Variants in KCNT2 observed in about 807,000 individuals in gnomAD.
KCNT2 encodes the protein potassium channel subfamily T member 2.
In KCNT2, 67 loss-of-function variants were observed where a neutral mutation model predicts 153.8. The observed-to-expected ratio is 0.44, with a 90% CI of 0.36 to 0.53. The LOEUF (loss-of-function observed/expected upper bound fraction) is 0.53. Among genes scored for constraint, KCNT2 ranks in the 20% least tolerant of loss-of-function variants. The probability of loss-of-function intolerance (pLI) is 0.00; values close to 1 mark genes in which losing one functional copy is unlikely to be tolerated. For missense variants in KCNT2, 975 were observed against 1,354.8 expected (o/e 0.72, Z 4.40); for synonymous variants, 500 against 458.8 (o/e 1.09, Z -1.15).
chr1:196,355,224 A>T (rs1377035163), intron 14 of KCNT2, among the ~76,000 whole-genome samples: 1 of 151,708 alleles, frequency 6.6e-6, no homozygotes, highest in Non-Finnish European at 1.5e-5. Flanking sequence ...AATAAAAAAA[A>T]AAAGACACCT....
At chr1:196,604,679 A>C (rs1000538788) in intron 1 of KCNT2, among the ~76,000 whole-genome samples, 6 of 152,016 alleles carry the variant, frequency 3.9e-5, no homozygotes, top group Admixed American at 1.3e-4. Context: ...GATGGCGTAA[A>C]GATAATACAA....
At chr1:196,437,380 TTATA>T (rs1233254889) in intron 8 of KCNT2, among the ~76,000 whole-genome samples, 1 of 140,856 alleles carries the variant, frequency 7.1e-6, no homozygotes, top group Non-Finnish European at 1.5e-5. Flanking sequence ...ATATTTTTAT[TTATA>T]TATATACACA....
intron 1 of KCNT2, among the ~76,000 whole-genome samples, chr1:196,498,723 G>A (rs561573630): frequency 7.9e-5 from 12 of 152,144 alleles, no homozygotes; most frequent in African/African-American, 2.4e-4. Context: ...TGCTAATTCC[G>A]TGTTTGGTGA....
chr1:196,256,709 AATATATAT>A (rs144323772), intron 26 of KCNT2, among the ~76,000 whole-genome samples: 5 of 144,178 alleles, frequency 3.5e-5, no homozygotes, highest in Admixed American at 7.1e-5. Context: ...TTATCATGGA[AATATATAT>A]ATATATATAT....
chr1:196,499,523 T>C (rs995797597), intron 1 of KCNT2, among the ~76,000 whole-genome samples: 8 of 152,218 alleles, frequency 5.3e-5, no homozygotes, highest in South Asian at 2.1e-4. Flanking sequence ...AGCCAATTTT[T>C]TCTTTGGTAC....
intron 1 of KCNT2, among the ~76,000 whole-genome samples, chr1:196,507,672 G>A (rs563965555): frequency 6.6e-6 from 1 of 151,998 alleles, no homozygotes; most frequent in Non-Finnish European, 1.5e-5. Context: ...TTTCTGACAT[G>A]TTCTCATGTT....
intron 3 of KCNT2, among the ~76,000 whole-genome samples, chr1:196,487,839 C>T (rs1679557374): frequency 6.6e-6 from 1 of 151,924 alleles, no homozygotes; most frequent in Non-Finnish European, 1.5e-5. Context: ...GTGCTTCTTA[C>T]CTGTGTCTCT....
At chr1:196,491,552 T>G (rs1679862173) in intron 2 of KCNT2, among the ~76,000 whole-genome samples, 1 of 151,998 alleles carries the variant, frequency 6.6e-6, no homozygotes, top group African/African-American at 2.4e-5. Flanking sequence ...TAAAAAAAAT[T>G]GCATATTGGT....
intron 13 of KCNT2, among the ~76,000 whole-genome samples, chr1:196,385,257 ACATTCCAAT>A (rs1198662564): frequency 6.6e-6 from 1 of 152,138 alleles, no homozygotes; most frequent in African/African-American, 2.4e-5. Flanking sequence ...AATCAGTTTG[ACATTCCAAT>A]CATGTACTAT....
At chr1:196,549,616 T>G (rs1328343635) in intron 1 of KCNT2, among the ~76,000 whole-genome samples, 1 of 151,778 alleles carries the variant, frequency 6.6e-6, no homozygotes, top group African/African-American at 2.4e-5. Flanking sequence ...TCTGTTGGAG[T>G]GTTTATTAAA....
intron 19 of KCNT2, among the ~76,000 whole-genome samples, chr1:196,323,764 T>C (rs184553189): frequency 2.6e-5 from 4 of 152,008 alleles, no homozygotes; most frequent in African/African-American, 9.6e-5. Context: ...ACATACTGAA[T>C]ACTATTTTCA....
At chr1:196,281,182 T>C (rs1378212852) in intron 24 of KCNT2, among the ~76,000 whole-genome samples, 194 bp from the exon 25 acceptor site, 2 of 152,180 alleles carry the variant, frequency 1.3e-5, no homozygotes, top group African/African-American at 4.8e-5. Context: ...TTTTCACTTC[T>C]TAAAGGGAGA....
chr1:196,533,143 T>C (rs1210529488), intron 1 of KCNT2, among the ~76,000 whole-genome samples: 1 of 152,134 alleles, frequency 6.6e-6, no homozygotes, highest in African/African-American at 2.4e-5. Flanking sequence ...ATTAAGAATA[T>C]CATAATTCAA....
chr1:196,563,133 A>C (rs1659641398), intron 1 of KCNT2, among the ~76,000 whole-genome samples: 1 of 152,010 alleles, frequency 6.6e-6, no homozygotes, highest in African/African-American at 2.4e-5. Flanking sequence ...CTAGGTCCTA[A>C]TCACTAGCCT....
At chr1:196,444,311 T>C (rs1171097085) in intron 8 of KCNT2, among the ~76,000 whole-genome samples, 2 of 151,412 alleles carry the variant, frequency 1.3e-5, no homozygotes, top group African/African-American at 4.8e-5. Flanking sequence ...AAATATACCT[T>C]TACTCCCTTC....
At chr1:196,566,689 T>C (rs1660155674) in intron 1 of KCNT2, among the ~76,000 whole-genome samples, 1 of 152,106 alleles carries the variant, frequency 6.6e-6, no homozygotes, top group Non-Finnish European at 1.5e-5. Context: ...ACCATGCTAG[T>C]ACCAAGTAAC....
At chr1:196,493,297 A>C (rs1679995963) in intron 1 of KCNT2, among the ~76,000 whole-genome samples, 1 of 147,900 alleles carries the variant, frequency 6.8e-6, no homozygotes, top group African/African-American at 2.5e-5. Flanking sequence ...TGAAAATGTA[A>C]TTCATGTAAG....
chr1:196,473,601 T>A (rs548969461), intron 5 of KCNT2, among the ~76,000 whole-genome samples: 1 of 152,342 alleles, frequency 6.6e-6, no homozygotes, highest in East Asian at 1.9e-4. Flanking sequence ...GGCAATGTAT[T>A]TATTGCTAAA....
intron 7 of KCNT2, among the ~76,000 whole-genome samples, chr1:196,466,235 AT>A (rs1335444041): frequency 6.6e-6 from 1 of 151,856 alleles, no homozygotes; most frequent in South Asian, 2.1e-4. Flanking sequence ...AAATAAGTTT[AT>A]TTTTTTCTGG....
Sources: allele counts gnomAD v4.1 joint callset (sites outside exome capture counted in the v4.1 genomes callset), GRCh38; gene constraint gnomAD v4.1.1; transcripts MANE v1.5; gene names NCBI Gene and HGNC (gene_info 2026-07-23, HGNC 2026-07-21).